Variants in BRD2 observed in about 807,000 individuals in gnomAD.
BRD2 encodes the protein bromodomain containing 2, also known as bromodomain-containing protein 2.
A neutral mutation model predicts 79.1 loss-of-function variants in BRD2; 15 were observed. That is an observed-to-expected ratio of 0.19 (90% CI 0.13 to 0.29). The LOEUF is 0.29. Ranked by LOEUF, BRD2 falls within the 10% of genes least tolerant of loss-of-function variation. The pLI, the probability that BRD2 is intolerant of heterozygous loss-of-function variation, is 1.00. For synonymous variants in BRD2, 488 were observed against 358.6 expected, an observed-to-expected ratio of 1.36 and a Z score of -4.08; for missense variants, 1,053 against 991.3, an observed-to-expected ratio of 1.06 and a Z score of -0.84.
rs762814291 is a variant in BRD2 at position 32,980,336 on chromosome 6, C to G, written c.2147-6C>G. On this transcript the variant is annotated splice_polypyrimidine_tract_variant and splice_region_variant and intron_variant, in intron 11 of 12. Transcript: ENST00000374825. ...TTAATGTATCCTGATAAATTTCTTT[C>G]ATTAGCCATTAAGAAGCCTGTGGGA... The G allele has an allele frequency of 6.2e-7, 1 of 1,612,494 alleles. No individual in the cohort carries two copies.
At chr6:32,974,973 C>T (rs577935144) in intron 3 of BRD2, 19 of 1,471,862 alleles carry the variant, frequency 1.3e-5, no homozygotes, top group Admixed American at 5.9e-5. Context: ...TTCCTTGTGC[C>T]CTCCATGTGT....
Position 32,975,298 on chromosome 6 carries a change from G to A in BRD2, c.334-86G>A, listed in dbSNP as rs900532588. ...ATGCATAGGGGGGGTGTGTGTGTGT[G>A]TGTGTGTGTGTGAGAGTCGGGGATC... On this transcript the variant is annotated intron_variant, in intron 3 of 12. Coordinates refer to ENST00000374825, the MANE Select transcript of BRD2 (RefSeq NM_005104.4). 31 of 1,136,990 alleles carry A rather than the reference G, an allele frequency of 2.7e-5. 2 individuals are homozygous for A. Among genetic ancestry groups the A allele is most frequent in the Non-Finnish European group, 3.4e-5 (27 of 794,684 alleles). 70.4% of individuals were successfully genotyped at this position (1,136,990 alleles called of 1,614,324 possible).
chr6:32,980,381 C>T lies in BRD2; in HGVS notation c.2186C>T (p.Ala729Val). 6.2e-7 allele frequency: 1 copy of T among 1,613,052 alleles called. No homozygotes were observed. Among genetic ancestry groups the T allele is most frequent in the South Asian group, 1.1e-5 (1 of 91,088 alleles). The change falls in exon 12 of 13, where the codon GCT becomes GTT. Residue 729 changes from alanine to valine, a missense_variant. Ala to Val is a moderately conservative substitution (Grantham distance 64). Around this residue, in one of 5 missense-constraint regions of BRD2, gnomAD observed 139 missense variants for 133.2 expected, o/e 1.04. Transcript: ENST00000374825. ...GTGGGAAAGACAAAGGAGGAACTGG[C>T]TTTGGAGAAAAAGCGGGAATTAGAA... ...KPVGKTKEEL[A>V]LEKKRELEKR...
chr6:32,972,948 T>A, intron 2 of BRD2, 21 bp downstream of exon 2: 2 of 1,613,706 alleles, frequency 1.2e-6, no homozygotes, highest in South Asian at 1.1e-5. Context: ...GCGAGCCGCG[T>A]GTGGGAAGGG....
At chr6:32,975,564 G>C (rs978568278) in intron 4 of BRD2, 43 bp downstream of exon 4, 2 of 1,599,234 alleles carry the variant, frequency 1.3e-6, no homozygotes, top group African/African-American at 2.7e-5. Context: ...GGGAGAAACA[G>C]TAACTTCTAT....
At position 32,976,818 on chromosome 6, in the gene BRD2, T is replaced by A; in HGVS notation, c.1082T>A (p.Leu361His). 6.2e-7 allele frequency: 1 copy of A among 1,613,168 alleles called. No homozygotes were observed. Among genetic ancestry groups the A allele is most frequent in the Non-Finnish European group, 8.5e-7 (1 of 1,180,036 alleles). Residue 361 changes from leucine to histidine, a missense_variant, in exon 7 of 13, where the codon CTC (leucine) becomes CAC (histidine). By Grantham distance (99) the Leu-to-His change is moderately conservative. Around this residue, in one of 5 missense-constraint regions of BRD2, gnomAD observed 454 missense variants for 430.5 expected, o/e 1.05. Coordinates refer to ENST00000374825, the MANE Select transcript of BRD2 (RefSeq NM_005104.4). Reference sequence around the variant, plus strand: ...TGCAATGGCATTTTGAAGGAGTTACTCTCTAAGAAGCATGCTGCCTATGCT... The same window carrying A: ...TGCAATGGCATTTTGAAGGAGTTACACTCTAAGAAGCATGCTGCCTATGCT... Reference protein sequence around the residue: ...KHCNGILKELLSKKHAAYAWP... With the variant: ...KHCNGILKELHSKKHAAYAWP...
intron 2 of BRD2, among the ~76,000 whole-genome samples, chr6:32,974,188 T>C (rs1582895136): frequency 6.6e-6 from 1 of 152,128 alleles, no homozygotes; most frequent in African/African-American, 2.4e-5. Flanking sequence ...AGAAACAATT[T>C]GGGAGTTTTT....
intron 1 of BRD2, 57 bp from the exon 2 acceptor site, chr6:32,971,538 T>C: frequency 2.3e-6 from 1 of 441,722 alleles, no homozygotes. Context: ...CCCGTAGCTG[T>C]TCGCCATAGA....
chr6:32,975,126 A>G (rs1778552406), intron 3 of BRD2: 4 of 1,506,990 alleles, frequency 2.7e-6, no homozygotes, highest in Non-Finnish European at 3.5e-6. Flanking sequence ...ATGTCACAGG[A>G]TGGGAAGTTT....
Position 32,974,768 on chromosome 6 carries a change from G to A in BRD2, c.333+3G>A, listed in dbSNP as rs752535764. 2 of 1,612,330 alleles carry A rather than the reference G, an allele frequency of 1.2e-6. No homozygotes were observed. Among genetic ancestry groups the A allele is most frequent in the Admixed American group, 3.3e-5 (2 of 59,986 alleles). ...ATGCTGTCAAACTGGGTCTACCGGT[G>A]AGTAGAGACATTGGAGCCGGGGAGG... is the stretch of plus-strand genomic sequence containing the variant. On this transcript the variant is annotated splice_donor_region_variant and intron_variant, in intron 3 of 12. Coordinates refer to ENST00000374825, the MANE Select transcript of BRD2 (RefSeq NM_005104.4).
At position 32,972,807 on chromosome 6, in the gene BRD2, C is replaced by T. The variant is rs931275772; in HGVS notation, c.-92C>T. The T allele has an allele frequency of 3.9e-5, 63 of 1,596,820 alleles. 1 individual carries two copies. Among genetic ancestry groups the T allele is most frequent in the Admixed American group, 1.2e-4 (7 of 59,922 alleles). ...CCCAAGAGGAACGGCCTCCCCCCAACTTAGCGGGTTATGCTGGACCGGGCG... is the reference window on the plus strand; with the variant it reads ...CCCAAGAGGAACGGCCTCCCCCCAATTTAGCGGGTTATGCTGGACCGGGCG... On this transcript the variant is annotated 5_prime_UTR_variant, in exon 2 of 13. Transcript: ENST00000374825.
At chr6:32,973,077 C>T (rs751813812) in intron 2 of BRD2, 150 bp downstream of exon 2, 6 of 1,583,216 alleles carry the variant, frequency 3.8e-6, no homozygotes, top group East Asian at 2.3e-5. Context: ...AATTGAGCGA[C>T]GGTTTTGGAA....
rs1447851832 is a variant in BRD2, at chr6:32,981,442, A to C, written c.*724A>C. ...AGCTAACCTATAATTGGATTGTCTT[A>C]ATTTTTAAACCAGTAGGCTTTTGCT... On this transcript the variant is annotated 3_prime_UTR_variant, in exon 13 of 13. Transcript: ENST00000374825. 2.6e-5 allele frequency: 4 copies of C among 152,232 alleles called. No individual in the cohort carries two copies. Among genetic ancestry groups the C allele is most frequent in the Non-Finnish European group, 2.9e-5 (2 of 68,040 alleles). The allele number at this position is 152,232 out of a possible 1,614,324, so 9.4% of individuals were successfully genotyped here. A position where few individuals can be genotyped will look rare whatever the true frequency, so the allele number is the denominator to read the frequency against.
intron 3 of BRD2, 120 bp downstream of exon 3, chr6:32,974,885 G>A: frequency 7.1e-7 from 1 of 1,404,030 alleles, no homozygotes; most frequent in East Asian, 2.5e-5. Flanking sequence ...CCCCTGTAGG[G>A]CAGTTAGCTA....
rs1194099634 is a variant in BRD2 at position 32,968,649 on chromosome 6, G to C, written c.-1712G>C. On this transcript the variant is annotated 5_prime_UTR_variant, in exon 1 of 13. Transcript: ENST00000374825. ...CTCGTATGGAGAGGCGAGTGGGGGG[G>C]ACAGAGTCCAGGACTGCGGGATAGG... 6.5e-6 allele frequency: 1 copy of C among 153,192 alleles called. No homozygotes were observed. Among genetic ancestry groups the C allele is most frequent in the African/African-American group, 2.4e-5 (1 of 41,482 alleles). The allele number at this position is 153,192 out of a possible 1,614,324, so 9.5% of individuals were successfully genotyped here.
At chr6:32,979,324 C>T (rs763847024) in intron 10 of BRD2, 8 of 159,800 alleles carry the variant, frequency 5.0e-5, no homozygotes, top group South Asian at 4.7e-4. Flanking sequence ...GTGATCTGCC[C>T]GCCTTGGCCT....
Position 32,972,415 on chromosome 6 carries a change from T to C in BRD2, c.-484T>C. On this transcript the variant is annotated 5_prime_UTR_variant, in exon 2 of 13. Coordinates refer to ENST00000374825, the MANE Select transcript of BRD2 (RefSeq NM_005104.4). ...TTCGGGCCCCGCCCAATCCTCGGAG[T>C]CTGTCCACCCCCTCTACTCCGCCCT... 3.6e-6 allele frequency: 1 copy of C among 279,540 alleles called. No homozygotes were observed. Among genetic ancestry groups the C allele is most frequent in the Non-Finnish European group, 6.9e-6 (1 of 144,440 alleles). 17.3% of individuals were successfully genotyped at this position (279,540 alleles called of 1,614,324 possible). A position where few individuals can be genotyped will look rare whatever the true frequency, so the allele number is the denominator to read the frequency against.
Position 32,980,482 on chromosome 6 carries a change from T to C in BRD2, c.2269+18T>C. 1 of 1,612,992 alleles carries C rather than the reference T, an allele frequency of 6.2e-7. No homozygotes were observed. Among genetic ancestry groups the C allele is most frequent in the African/African-American group, 1.3e-5 (1 of 75,024 alleles). ...CAAGAAAGGTGAGTATATACTTTCA[T>C]GCCACTACAGATTGACTCCATCCTG... is the stretch of plus-strand genomic sequence containing the variant. On this transcript the variant is annotated intron_variant, in intron 12 of 12. Transcript: ENST00000374825.
At chr6:32,971,541 G>T (rs986375054) in intron 1 of BRD2, 54 bp from the exon 2 acceptor site, 1 of 439,018 alleles carries the variant, frequency 2.3e-6, no homozygotes, top group Non-Finnish European at 4.0e-6. Flanking sequence ...GTAGCTGTTC[G>T]CCATAGAGGA....
Sources: gnomAD v4.1 joint callset for allele counts (sites outside exome capture counted in the v4.1 genomes callset) on GRCh38, gnomAD v4.1.1 for gene constraint, gnomAD v4.1.1 regional missense constraint, MANE v1.5 for transcripts, NCBI Gene and HGNC (gene_info 2026-07-23, HGNC 2026-07-21) for gene names.